HHEX: variants seen among roughly 807,000 people sequenced by gnomAD.
HHEX encodes the protein hematopoietically-expressed homeobox protein HHEX.
HHEX carries 8 observed loss-of-function variants against 27.0 expected under a neutral mutation model. That is an observed-to-expected ratio of 0.30 (90% CI 0.17 to 0.54). The LOEUF (loss-of-function observed/expected upper bound fraction) is 0.54, where lower values mean the gene tolerates loss of function less well. Ranked by LOEUF, HHEX falls within the 20% of genes least tolerant of loss-of-function variation. The pLI, the probability that HHEX is intolerant of heterozygous loss-of-function variation, is 0.95. For missense variants in HHEX, 326 were observed against 357.2 expected (o/e 0.91, Z 0.70); for synonymous variants, 164 against 161.5 (o/e 1.02, Z -0.12).
rs113121942 is a variant in HHEX at position 92,690,304 on chromosome 10, G to A, written c.318G>A (p.Thr106=). 36,262 of 1,542,716 alleles carry A rather than the reference G, an allele frequency of 0.024. 472 individuals are homozygous for A. The highest frequency in any genetic ancestry group is 0.056 in the Admixed American group (2,796 of 50,308). The change falls in exon 1 of 4, where the codon ACG becomes ACA. Residue 106 remains threonine (T), a synonymous_variant. Transcript: ENST00000282728. ...FGGPLYPFPR[T]VNDYTHALLR... is the part of the protein sequence containing the mutation. ...GCCCTCTGTACCCCTTCCCGCGGAC[G>A]GTGAACGACTACACGCACGCCCTGC...
intron 3 of HHEX, among the ~76,000 whole-genome samples, chr10:92,693,135 C>T (rs1845373722): frequency 6.6e-6 from 1 of 152,124 alleles, no homozygotes; most frequent in African/African-American, 2.4e-5. Flanking sequence ...ATAATAAAAC[C>T]AGGCAGAACT....
chr10:92,694,859 A>G lies in HHEX; in HGVS notation c.*91A>G, dbSNP rs1485315943. The G allele has an allele frequency of 2.3e-5, 21 of 926,726 alleles. No individual in the cohort carries two copies. The Middle Eastern group carries it at 6.5e-4, about 29-fold the overall frequency. The allele number at this position is 926,726 out of a possible 1,614,324, so 57.4% of individuals were successfully genotyped here. On this transcript the variant is annotated 3_prime_UTR_variant, in exon 4 of 4. Transcript: ENST00000282728. ...TCATAGAAGAACTGGAAGGCTATAT[A>G]AGAAAGGGAATCAATTCTCTGGTAT...
At chr10:92,693,074 G>C (rs1006538111) in intron 3 of HHEX, among the ~76,000 whole-genome samples, 3 of 152,202 alleles carry the variant, frequency 2.0e-5, no homozygotes, top group African/African-American at 4.8e-5. Flanking sequence ...GACAGTAAAT[G>C]ACTTAAGCAG....
At chr10:92,692,188 C>G in intron 1 of HHEX, 180 bp from the exon 2 acceptor site, 1 of 597,646 alleles carries the variant, frequency 1.7e-6, no homozygotes, top group Non-Finnish European at 3.0e-6. Flanking sequence ...CAGTGTGTGA[C>G]TTTGGGTATG....
chr10:92,693,555 T>G (rs1208652288), intron 3 of HHEX, among the ~76,000 whole-genome samples: 1 of 152,210 alleles, frequency 6.6e-6, no homozygotes, highest in Admixed American at 6.5e-5. Flanking sequence ...CAAAGTGGAT[T>G]TTAAAATTTA....
At chr10:92,693,790 T>A (rs1197736115) in intron 3 of HHEX, among the ~76,000 whole-genome samples, 1 of 152,194 alleles carries the variant, frequency 6.6e-6, no homozygotes, top group African/African-American at 2.4e-5. Flanking sequence ...TTTAGACAAG[T>A]ATAGGATTAA....
At chr10:92,692,586 G>A (rs1845368448) in intron 2 of HHEX, 40 bp downstream of exon 2, 1 of 1,611,506 alleles carries the variant, frequency 6.2e-7, no homozygotes, top group Non-Finnish European at 8.5e-7. Flanking sequence ...CCGGGGAAGG[G>A]AAGGCTTCTG....
At chr10:92,692,784 AAT>A in intron 3 of HHEX, 32 bp downstream of exon 3, 1 of 1,572,660 alleles carries the variant, frequency 6.4e-7, no homozygotes, top group Non-Finnish European at 8.8e-7. Flanking sequence ...TATGGAAATA[AAT>A]ATTTTTATCA....
chr10:92,692,169 C>A, intron 1 of HHEX, 199 bp from the exon 2 acceptor site: 1 of 567,754 alleles, frequency 1.8e-6, no homozygotes, highest in Non-Finnish European at 3.1e-6. Context: ...CTGTGTGCAT[C>A]TGCGGTGTCA....
chr10:92,690,011 G>A lies in HHEX; in HGVS notation c.25G>A (p.Ala9Thr). Residue 9 changes from alanine (A) to threonine (T), a missense_variant, in exon 1 of 4, where the codon GCG becomes ACG. Transcript: ENST00000282728. The stretch of plus-strand genomic sequence containing the variant: ...CATGCAGTACCCGCACCCCGGGCCG[G>A]CGGCGGGCGCCGTGGGGGTGCCGCT... MQYPHPGP[A>T]AGAVGVPLYA... 1 of 1,473,564 alleles carries A rather than the reference G, an allele frequency of 6.8e-7. No homozygotes were observed. Among genetic ancestry groups the A allele is most frequent in the Non-Finnish European group, 8.9e-7 (1 of 1,118,996 alleles). The allele number at this position is 1,473,564 out of a possible 1,614,324, so 91.3% of individuals were successfully genotyped here. A position where few individuals can be genotyped will look rare whatever the true frequency, so the allele number is the denominator to read the frequency against.
At chr10:92,692,263 G>C in intron 1 of HHEX, 105 bp from the exon 2 acceptor site, 1 of 1,142,360 alleles carries the variant, frequency 8.8e-7, no homozygotes, top group Non-Finnish European at 1.3e-6. Flanking sequence ...GTGTCTGGTT[G>C]GGTGGCCTCC....
rs1159967487 is a variant in HHEX, at chr10:92,690,231, A to G, written c.245A>G (p.His82Arg). The G allele has an allele frequency of 7.0e-6, 11 of 1,566,138 alleles. No individual in the cohort carries two copies. Among genetic ancestry groups the G allele is most frequent in the African/African-American group, 1.4e-5 (1 of 73,216 alleles). The change falls in exon 1 of 4, where the codon CAC (histidine) becomes CGC (arginine). Residue 82 changes from histidine to arginine, a missense_variant. This residue lies in a region of HHEX where 215 missense variants were observed against 196.4 expected (regional missense o/e 1.09). Transcript: ENST00000282728. The part of the protein sequence containing the change: ...PTPIHPAFSH[H>R]SAAALAAAYG... ...CCGATCCATCCAGCCTTCTCGCACC[A>G]CTCCGCCGCCGCGCTGGCCGCTGCC...
In HHEX at chr10:92,694,686, A is replaced by C; in HGVS notation, c.731A>C (p.Glu244Ala). Reference protein sequence around the residue: ...SQCSPSPASQEDLESEISEDS... With the variant: ...SQCSPSPASQADLESEISEDS... Reference sequence around the variant, plus strand: ...TGTTCGCCCTCCCCTGCCTCCCAGGAAGACCTTGAATCAGAGATTTCAGAG... The same window carrying C: ...TGTTCGCCCTCCCCTGCCTCCCAGGCAGACCTTGAATCAGAGATTTCAGAG... The change falls in exon 4 of 4, where the codon GAA becomes GCA. Residue 244 changes from glutamate (E) to alanine (A), a missense_variant. By Grantham distance (107) the Glu-to-Ala change is moderately radical. Coordinates refer to ENST00000282728, the MANE Select transcript of HHEX (RefSeq NM_002729.5). 1 of 1,614,186 alleles carries C rather than the reference A, an allele frequency of 6.2e-7. No homozygotes were observed. The highest frequency in any genetic ancestry group is 8.5e-7 in the Non-Finnish European group (1 of 1,180,012).
intron 3 of HHEX, 80 bp downstream of exon 3, chr10:92,692,832 C>A: frequency 8.5e-7 from 1 of 1,179,340 alleles, no homozygotes; most frequent in Non-Finnish European, 1.3e-6. Context: ...GGGTTGTATG[C>A]AAAAGTCATT....
Position 92,690,180 on chromosome 10 carries a change from A to T in HHEX, c.194A>T (p.Tyr65Phe), listed in dbSNP as rs1244380185. Reference protein sequence around the residue: ...NSSFTSLVSPYRTPVYEPTPI... With the variant: ...NSSFTSLVSPFRTPVYEPTPI... ...TCCTTCACCAGCCTCGTGTCCCCCT[A>T]CCGGACCCCGGTGTACGAGCCCACG... Residue 65 changes from tyrosine (Y) to phenylalanine (F), a missense_variant, in exon 1 of 4, where the codon TAC becomes TTC. Physicochemically the swap from Tyr to Phe is conservative, Grantham distance 22. This residue lies in a region of HHEX where 215 missense variants were observed against 196.4 expected (regional missense o/e 1.09). Transcript: ENST00000282728. The T allele has an allele frequency of 1.3e-6, 2 of 1,564,118 alleles. No homozygotes were observed. Among genetic ancestry groups the T allele is most frequent in the Non-Finnish European group, 1.7e-6 (2 of 1,155,678 alleles).
chr10:92,694,246 A>C (rs1457798671), intron 3 of HHEX, among the ~76,000 whole-genome samples: 1 of 152,214 alleles, frequency 6.6e-6, no homozygotes, highest in East Asian at 1.9e-4. Context: ...TATTGAAACC[A>C]TGGGTCTGGG....
rs117639730 is a variant in HHEX, at chr10:92,689,976, G to A, written c.-11G>A. ...CAGCAGCTCTGCGAGGGGCCGGAGC[G>A]CGGCGGAGCCATGCAGTACCCGCAC... On this transcript the variant is annotated 5_prime_UTR_variant, in exon 1 of 4. Coordinates refer to ENST00000282728, the MANE Select transcript of HHEX (RefSeq NM_002729.5). 0.042 allele frequency: 56,691 copies of A among 1,355,388 alleles called. 2,002 individuals carry two copies. Among genetic ancestry groups the A allele is most frequent in the Admixed American group, 0.15 (3,703 of 24,636 alleles). 84.0% of individuals were successfully genotyped at this position (1,355,388 alleles called of 1,614,324 possible). A position where few individuals can be genotyped will look rare whatever the true frequency, so the allele number is the denominator to read the frequency against.
Position 92,690,336 on chromosome 10 carries a change from A to C in HHEX, c.350A>C (p.His117Pro), listed in dbSNP as rs1024947210. The change falls in exon 1 of 4, where the codon CAC becomes CCC. Residue 117 changes from histidine (H) to proline (P), a missense_variant. By Grantham distance (77) the His-to-Pro change is moderately conservative. This residue lies in a region of HHEX where 215 missense variants were observed against 196.4 expected (regional missense o/e 1.09). Transcript: ENST00000282728. ...GACTACACGCACGCCCTGCTCCGCC[A>C]CGACCCCCTGGGTAAGGCGGCCGGG... is the stretch of plus-strand genomic sequence containing the variant. Reference protein sequence around the residue: ...VNDYTHALLRHDPLGKPLLWS... With the variant: ...VNDYTHALLRPDPLGKPLLWS... 3 of 1,496,136 alleles carry C rather than the reference A, an allele frequency of 2.0e-6. No homozygotes were observed. The highest frequency in any genetic ancestry group is 2.9e-5 in the African/African-American group (2 of 69,602). 92.7% of individuals were successfully genotyped at this position (1,496,136 alleles called of 1,614,324 possible). A position where few individuals can be genotyped will look rare whatever the true frequency, so the allele number is the denominator to read the frequency against.
chr10:92,694,338 G>A (rs575069468), intron 3 of HHEX, among the ~76,000 whole-genome samples: 59 of 152,240 alleles, frequency 3.9e-4, no homozygotes, highest in African/African-American at 1.4e-3. Flanking sequence ...CATCTTTTAA[G>A]CATATAATCT....
Sources: gnomAD v4.1 joint callset for allele counts (sites outside exome capture counted in the v4.1 genomes callset) on GRCh38, gnomAD v4.1.1 for gene constraint, gnomAD v4.1.1 regional missense constraint, MANE v1.5 for transcripts, NCBI Gene and HGNC (gene_info 2026-07-23, HGNC 2026-07-21) for gene names.